Variants in CCL28 observed in about 807,000 individuals in gnomAD.
The protein encoded by CCL28 is C-C motif chemokine ligand 28.
CCL28 carries 4 observed loss-of-function variants against 7.1 expected under a neutral mutation model. That is an observed-to-expected ratio of 0.56 (90% CI 0.28 to 1.29). The LOEUF (loss-of-function observed/expected upper bound fraction) is 1.29. Among genes scored for constraint, CCL28 ranks in the 50% most tolerant of loss-of-function variants. CCL28 has a pLI of 0.11. For synonymous variants in CCL28, 55 were observed against 57.8 expected, an observed-to-expected ratio of 0.95 and a Z score of 0.22; for missense variants, 151 against 163.4, an observed-to-expected ratio of 0.92 and a Z score of 0.41.
At chr5:43,402,546 G>T (rs928222206) in intron 1 of CCL28, among the ~76,000 whole-genome samples, 10 of 152,158 alleles carry the variant, frequency 6.6e-5, no homozygotes. Context: ...GTGTGTGCCG[G>T]TTCCAAGATG....
the CCL28 span, among the ~76,000 whole-genome samples, chr5:43,367,888 G>A: frequency 1.3e-5 from 2 of 152,206 alleles, no homozygotes; most frequent in South Asian, 4.1e-4. Flanking sequence ...AGCCCATAAA[G>A]TCTAGAAATG....
the CCL28 span, among the ~76,000 whole-genome samples, chr5:43,365,349 G>T: frequency 6.6e-6 from 1 of 152,058 alleles, no homozygotes; most frequent in African/African-American, 2.4e-5. Context: ...TTTAATTGGG[G>T]CATTTAGCCC....
chr5:43,373,080 C>A (rs528371233), downstream of CCL28, among the ~76,000 whole-genome samples: 1 of 151,358 alleles, frequency 6.6e-6, no homozygotes, highest in Non-Finnish European at 1.5e-5. Context: ...AGATTACAGG[C>A]GTGAGCTACC....
chr5:43,384,662 T>C (rs2111725005), intron 2 of CCL28, among the ~76,000 whole-genome samples: 1 of 151,602 alleles, frequency 6.6e-6, no homozygotes, highest in Middle Eastern at 3.4e-3. Flanking sequence ...TTCTTAACCC[T>C]CAGGAGGATA....
At chr5:43,401,095 A>G (rs1245321046) in intron 1 of CCL28, among the ~76,000 whole-genome samples, 5 of 150,748 alleles carry the variant, frequency 3.3e-5, no homozygotes, top group Non-Finnish European at 7.4e-5. Flanking sequence ...AAAAAAAAAA[A>G]AGAAAAAGAA....
chr5:43,382,753 C>T (rs1008955558), intron 2 of CCL28, among the ~76,000 whole-genome samples: 2 of 152,168 alleles, frequency 1.3e-5, no homozygotes, highest in Admixed American at 6.6e-5. Flanking sequence ...CATTTGTTAA[C>T]ATTTTAATAT....
intron 2 of CCL28, among the ~76,000 whole-genome samples, chr5:43,386,000 CCT>C (rs370704435): frequency 0.01 from 1,559 of 152,286 alleles, 28 homozygotes; most frequent in African/African-American, 0.036. Flanking sequence ...ACAGAAACTT[CCT>C]CTGTTTTTTT....
chr5:43,373,370 G>A (rs34574158), downstream of CCL28, among the ~76,000 whole-genome samples: 1,155 of 151,568 alleles, frequency 7.6e-3, 7 homozygotes, highest in Middle Eastern at 0.034. Context: ...GCGTGATCTC[G>A]GCTCACTGCA....
chr5:43,409,561 G>A (rs1009034486), intron 1 of CCL28, among the ~76,000 whole-genome samples: 2 of 152,072 alleles, frequency 1.3e-5, no homozygotes, highest in East Asian at 1.9e-4. Flanking sequence ...ATGTATATTC[G>A]TGGTAACCTT....
chr5:43,403,133 G>A (rs555057413), intron 1 of CCL28, among the ~76,000 whole-genome samples: 60 of 152,318 alleles, frequency 3.9e-4, no homozygotes, highest in African/African-American at 1.1e-3. Context: ...AGACTTAAAC[G>A]TCCCTATCTG....
At chr5:43,407,531 A>G (rs1289963366) in intron 1 of CCL28, among the ~76,000 whole-genome samples, 2 of 152,260 alleles carry the variant, frequency 1.3e-5, no homozygotes, top group African/African-American at 4.8e-5. Flanking sequence ...ACCAAAAACC[A>G]TGAAAACCCT....
chr5:43,365,960 T>C, the CCL28 span, among the ~76,000 whole-genome samples: 1 of 152,216 alleles, frequency 6.6e-6, no homozygotes, highest in African/African-American at 2.4e-5. Flanking sequence ...GATTTGGCTA[T>C]TGATACTTGT....
chr5:43,408,954 G>A (rs1480760014), intron 1 of CCL28, among the ~76,000 whole-genome samples: 1 of 149,704 alleles, frequency 6.7e-6, no homozygotes, highest in Admixed American at 6.7e-5. Flanking sequence ...GCAGTGGTGC[G>A]ATCATGGCTC....
At chr5:43,364,039 G>A in the CCL28 span, among the ~76,000 whole-genome samples, 4 of 152,192 alleles carry the variant, frequency 2.6e-5, no homozygotes, top group Non-Finnish European at 2.9e-5. Flanking sequence ...TTGGGAGAGG[G>A]ACAGGGATAA....
intron 1 of CCL28, among the ~76,000 whole-genome samples, chr5:43,408,744 G>A (rs1741409824): frequency 6.6e-6 from 1 of 152,046 alleles, no homozygotes; most frequent in Non-Finnish European, 1.5e-5. Context: ...AGGGATTAAA[G>A]GAATGATGAA....
chr5:43,381,896 C>A lies in CCL28; in HGVS notation c.348G>T (p.Gly116=). The A allele has an allele frequency of 6.2e-7, 1 of 1,613,898 alleles. No homozygotes were observed. Among genetic ancestry groups the A allele is most frequent in the Admixed American group, 1.7e-5 (1 of 60,002 alleles). ...TTTTATGGCCGTATGTTTCGTGTTT[C>A]CCCTGATGTGCCCTGTTACTGTTCC... is the stretch of plus-strand genomic sequence containing the variant. ...GKRNSNRAHQ[G]KHETYGHKTP... The change falls in exon 3 of 3, where the codon GGG becomes GGT. Residue 116 remains glycine, a synonymous_variant. Transcript: ENST00000361115.
At chr5:43,376,926 T>A (rs1739900714), downstream of CCL28, 1 of 152,214 alleles carries the variant, frequency 6.6e-6, no homozygotes, top group Non-Finnish European at 1.5e-5. Context: ...TAGCATTTCA[T>A]AATGTTCAAG....
the CCL28 span, among the ~76,000 whole-genome samples, chr5:43,362,303 G>A: frequency 6.6e-6 from 1 of 152,082 alleles, no homozygotes; most frequent in African/African-American, 2.4e-5. Context: ...TGTTTTTGGT[G>A]TATAGGAATG....
At chr5:43,365,346 G>C in the CCL28 span, among the ~76,000 whole-genome samples, 1 of 152,034 alleles carries the variant, frequency 6.6e-6, no homozygotes, top group Non-Finnish European at 1.5e-5. Flanking sequence ...TCTTTTAATT[G>C]GGGCATTTAG....
Sources: gnomAD v4.1 joint callset for allele counts (sites outside exome capture counted in the v4.1 genomes callset) on GRCh38, gnomAD v4.1.1 for gene constraint, MANE v1.5 for transcripts, NCBI Gene and HGNC (gene_info 2026-07-23, HGNC 2026-07-21) for gene names.